Variants in CABLES2 observed in about 807,000 individuals in gnomAD.
CABLES2 encodes the protein CDK5 and ABL1 enzyme substrate 2.
In CABLES2, 35 loss-of-function variants were observed where a neutral mutation model predicts 44.8. The ratio of observed to expected loss-of-function variants is 0.78; its 90% confidence interval spans 0.60 to 1.04. The LOEUF (loss-of-function observed/expected upper bound fraction) is 1.04, where lower values mean the gene tolerates loss of function less well. Ranked by LOEUF, CABLES2 falls within the 50% of genes least tolerant of loss-of-function variation. CABLES2 has a pLI of 0.00. For missense variants in CABLES2, 566 were observed against 615.7 expected, an observed-to-expected ratio of 0.92 and a Z score of 0.85; for synonymous variants, 282 against 281.1, an observed-to-expected ratio of 1.00 and a Z score of -0.03.
chr20:62,391,177 G>C lies in CABLES2; in HGVS notation c.1297-66C>G. Reference sequence around the variant, plus strand: ...CTCTTCCACATTTCCCACCCGGCCAGCCCCATCCCAGCAGTGGCCCTGGCT... The same window carrying C: ...CTCTTCCACATTTCCCACCCGGCCACCCCCATCCCAGCAGTGGCCCTGGCT... On this transcript the variant is annotated intron_variant, in intron 9 of 9. Coordinates refer to ENST00000279101, the MANE Select transcript of CABLES2 (RefSeq NM_031215.3). This position sits in a 1 kb window ranked among gnomAD's most constrained non-coding sequence, Gnocchi z 5.7. 6.2e-7 allele frequency: 1 copy of C among 1,604,532 alleles called. No individual in the cohort carries two copies. Among genetic ancestry groups the C allele is most frequent in the Non-Finnish European group, 8.5e-7 (1 of 1,173,068 alleles).
At chr20:62,406,739 C>T (rs548080812) in intron 1 of CABLES2, among the ~76,000 whole-genome samples, 176 bp downstream of exon 1, 1 of 108,998 alleles carries the variant, frequency 9.2e-6, no homozygotes, top group African/African-American at 4.1e-5. Flanking sequence ...CAGGTGAACC[C>T]AACCCCTTTG....
rs2146414886 is a variant in CABLES2 at position 62,388,662 on chromosome 20, AC to A, written c.*2308del. On this transcript the variant is annotated 3_prime_UTR_variant, in exon 10 of 10. Transcript: ENST00000279101. ...CAAAACTGAGGTTTAAAGGACAAAT[AC>A]ATTATCCATTTAAAAACAGATATCT... The A allele has an allele frequency of 1.6e-6, 1 of 608,062 alleles. No individual in the cohort carries two copies. Among genetic ancestry groups the A allele is most frequent in the South Asian group, 2.0e-5 (1 of 49,962 alleles). 37.7% of individuals were successfully genotyped at this position (608,062 alleles called of 1,614,324 possible).
chr20:62,392,406 C>A lies in CABLES2; in HGVS notation c.1074G>T (p.Thr358=). The A allele has an allele frequency of 6.2e-7, 1 of 1,613,848 alleles. No individual in the cohort carries two copies. The highest frequency in any genetic ancestry group is 8.5e-7 in the Non-Finnish European group (1 of 1,179,820). ...FREKFPHVKL[T]LSKIRSLKRE... Reference sequence around the variant, plus strand: ...GTCCTCACCTCCTGATTTTGCTCAGCGTCAGTTTGACATGGGGGAACTTCT... The same window carrying A: ...GTCCTCACCTCCTGATTTTGCTCAGAGTCAGTTTGACATGGGGGAACTTCT... The change falls in exon 8 of 10, where the codon ACG becomes ACT. Residue 358 remains threonine, a synonymous_variant. Transcript: ENST00000279101.
chr20:62,394,312 G>C, intron 4 of CABLES2, 47 bp from the exon 5 acceptor site: 2 of 1,506,916 alleles, frequency 1.3e-6, no homozygotes, highest in South Asian at 2.2e-5. Context: ...GCTGAACTCA[G>C]GCTCTGGCAG....
Position 62,393,602 on chromosome 20 carries a change from C to A in CABLES2, c.718G>T (p.Val240Leu). ...GGATACAGGAACTTCGCATAAGACA[C>A]GACCTGGAAAAGCAAATGCATCTGG... is the stretch of plus-strand genomic sequence containing the variant. ...GVELGADGKV[V>L]SYAKFLYPTN... Residue 240 changes from valine (V) to leucine (L), a missense_variant, in exon 6 of 10, where the codon GTG (valine) becomes TTG (leucine). By Grantham distance (32) the Val-to-Leu change is conservative. Around this residue, in one of 2 missense-constraint regions of CABLES2, gnomAD observed 436 missense variants for 536.3 expected, o/e 0.81. Coordinates refer to ENST00000279101, the MANE Select transcript of CABLES2 (RefSeq NM_031215.3). 1 of 1,578,460 alleles carries A rather than the reference C, an allele frequency of 6.3e-7. No individual in the cohort carries two copies. Among genetic ancestry groups the A allele is most frequent in the South Asian group, 1.2e-5 (1 of 86,506 alleles).
chr20:62,388,774 C>T lies in CABLES2; in HGVS notation c.*2197G>A. The T allele has an allele frequency of 2.2e-6, 1 of 459,454 alleles. No homozygotes were observed. The highest frequency in any genetic ancestry group is 2.2e-5 in the South Asian group (1 of 44,820). 28.5% of individuals were successfully genotyped at this position (459,454 alleles called of 1,614,324 possible). Reference sequence around the variant, plus strand: ...AACTGCTACCGGTGCGGAAGCAACGCCAGGCCTGGTTCTGTATAGTCACAG... The same window carrying T: ...AACTGCTACCGGTGCGGAAGCAACGTCAGGCCTGGTTCTGTATAGTCACAG... On this transcript the variant is annotated 3_prime_UTR_variant, in exon 10 of 10. Coordinates refer to ENST00000279101, the MANE Select transcript of CABLES2 (RefSeq NM_031215.3).
At chr20:62,401,772 G>T (rs1016794361) in intron 1 of CABLES2, among the ~76,000 whole-genome samples, 3 of 152,206 alleles carry the variant, frequency 2.0e-5, no homozygotes, top group African/African-American at 7.2e-5. Context: ...CCAGGGAGCT[G>T]GGGGATTGGC....
At position 62,396,632 on chromosome 20, in the gene CABLES2, C is replaced by T. The variant is rs1338795308; in HGVS notation, c.363-40G>A. 1.3e-6 allele frequency: 2 copies of T among 1,576,412 alleles called. No homozygotes were observed. Among genetic ancestry groups the T allele is most frequent in the South Asian group, 2.3e-5 (2 of 87,420 alleles). On this transcript the variant is annotated intron_variant, in intron 1 of 9. Transcript: ENST00000279101. This position sits in a 1 kb window ranked among gnomAD's most constrained non-coding sequence, Gnocchi z 5.7. ...TGGAGCCTCAAAACAGGCCACCAGC[C>T]CGGGTGCCGCCTTTGTGGCCAGAAA...
In CABLES2 at chr20:62,391,334, C is replaced by T. The variant is rs148608970; in HGVS notation, c.1211G>A (p.Arg404His). Residue 404 changes from arginine (R) to histidine (H), a missense_variant, in exon 9 of 10, where the codon CGC (arginine) becomes CAC (histidine). Physicochemically the swap from Arg to His is conservative, Grantham distance 29. Around this residue, in one of 2 missense-constraint regions of CABLES2, gnomAD observed 436 missense variants for 536.3 expected, o/e 0.81. Coordinates refer to ENST00000279101, the MANE Select transcript of CABLES2 (RefSeq NM_031215.3). The surrounding 1 kb of genome is among the most constrained non-coding windows in gnomAD (Gnocchi z 5.7). The stretch of plus-strand genomic sequence containing the variant: ...CACGCAGGCGCCAGCGCACAGCTTG[C>T]GGTTCTGTTTGCTGAGCTTGCCCTG... ...VLQGKLSKQN[R>H]KLCAGACVLL... The T allele has an allele frequency of 1.7e-5, 28 of 1,613,228 alleles. No homozygotes were observed. Among genetic ancestry groups the T allele is most frequent in the Non-Finnish European group, 2.2e-5 (26 of 1,180,028 alleles).
intron 1 of CABLES2, among the ~76,000 whole-genome samples, chr20:62,398,811 A>G (rs1988134516): frequency 6.6e-6 from 1 of 152,222 alleles, no homozygotes; most frequent in South Asian, 2.1e-4. Flanking sequence ...CACCTCACCA[A>G]CACTCGACGG....
intron 1 of CABLES2, among the ~76,000 whole-genome samples, chr20:62,406,527 T>C (rs1305067750): frequency 2.9e-5 from 4 of 139,228 alleles, no homozygotes; most frequent in Non-Finnish European, 6.2e-5. Flanking sequence ...CAATGAACCC[T>C]ATGTGTGGGG....
At chr20:62,406,345 G>T (rs1988283981) in intron 1 of CABLES2, among the ~76,000 whole-genome samples, 1 of 151,984 alleles carries the variant, frequency 6.6e-6, no homozygotes, top group African/African-American at 2.4e-5. Flanking sequence ...GGCTGTCCAT[G>T]TGTCCCTGTG....
In CABLES2 at chr20:62,389,588, G is replaced by A. The variant is rs1987872817; in HGVS notation, c.*1383C>T. ...TAGGATGTATTGTATTAATGGGCTA[G>A]AGACAAAGTCGTCCCAGAGCCCCTC... is the stretch of plus-strand genomic sequence containing the variant. On this transcript the variant is annotated 3_prime_UTR_variant, in exon 10 of 10. Coordinates refer to ENST00000279101, the MANE Select transcript of CABLES2 (RefSeq NM_031215.3). 1 of 152,226 alleles carries A rather than the reference G, an allele frequency of 6.6e-6. No individual in the cohort carries two copies. Among genetic ancestry groups the A allele is most frequent in the Non-Finnish European group, 1.5e-5 (1 of 68,050 alleles). The allele number at this position is 152,226 out of a possible 1,614,324, so 9.4% of individuals were successfully genotyped here.
At chr20:62,398,859 G>C (rs551895614) in intron 1 of CABLES2, among the ~76,000 whole-genome samples, 3 of 152,272 alleles carry the variant, frequency 2.0e-5, no homozygotes, top group Non-Finnish European at 2.9e-5. Flanking sequence ...CAAGTGGTAC[G>C]GAGAGGCCTG....
intron 4 of CABLES2, among the ~76,000 whole-genome samples, chr20:62,394,712 C>T (rs201199452): frequency 6.6e-5 from 10 of 152,238 alleles, no homozygotes; most frequent in African/African-American, 2.2e-4. Flanking sequence ...ACCTGTACAT[C>T]GACAGCGTGA....
At chr20:62,398,101 T>C (rs1218548189) in intron 1 of CABLES2, among the ~76,000 whole-genome samples, 2 of 138,076 alleles carry the variant, frequency 1.4e-5, no homozygotes, top group East Asian at 2.3e-4. Flanking sequence ...GTGGTGGTGG[T>C]GGTGATGGTG....
At chr20:62,397,973 A>ACGGTGGTGGTGGTGGTGGTGGTG (rs1569017258) in intron 1 of CABLES2, among the ~76,000 whole-genome samples, 2 of 103,344 alleles carry the variant, frequency 1.9e-5, no homozygotes, top group African/African-American at 3.3e-5. Flanking sequence ...TGGTGGTGAC[A>ACGGTGGTGGTGGTGGTGGTGGTG]GTGGTGATGG....
At chr20:62,394,026 C>G (rs985726951) in intron 5 of CABLES2, 131 bp downstream of exon 5, 11 of 763,234 alleles carry the variant, frequency 1.4e-5, no homozygotes, top group Non-Finnish European at 2.5e-5. Context: ...CCCGCATCCA[C>G]TCCACCCTTG....
Position 62,395,026 on chromosome 20 carries a change from C to T in CABLES2, c.528-12G>A, listed in dbSNP as rs186502881. ...AGATGAGCACGATCCTGCAGGGGGA[C>T]GGAGTCAGGGGAGACGGGGCCGGGG... is the stretch of plus-strand genomic sequence containing the variant. On this transcript the variant is annotated splice_polypyrimidine_tract_variant and intron_variant, in intron 3 of 9. Transcript: ENST00000279101. 22 of 1,611,450 alleles carry T rather than the reference C, an allele frequency of 1.4e-5. No homozygotes were observed. The highest frequency in any genetic ancestry group is 8.0e-5 in the African/African-American group (6 of 75,032).
Sources: gnomAD v4.1 joint callset for allele counts (sites outside exome capture counted in the v4.1 genomes callset) on GRCh38, gnomAD v4.1.1 for gene constraint, gnomAD v4.1.1 regional missense constraint, Gnocchi (gnomAD v3.1) non-coding constraint, MANE v1.5 for transcripts, NCBI Gene and HGNC (gene_info 2026-07-23, HGNC 2026-07-21) for gene names.